The following ATP8B4 variants were observed in gnomAD, a reference collection of about 807,000 sequenced individuals.
The protein encoded by ATP8B4 is probable phospholipid-transporting ATPase IM.
ATP8B4 carries 133 observed loss-of-function variants against 145.6 expected under a neutral mutation model. The ratio of observed to expected loss-of-function variants is 0.91; its 90% confidence interval spans 0.79 to 1.05. ATP8B4 has a LOEUF of 1.05. ATP8B4 is among the 50% of genes least tolerant of loss of function. The pLI is 0.00. For synonymous variants in ATP8B4, 507 were observed against 492.9 expected (o/e 1.03, Z -0.38); for missense variants, 1,458 against 1,425.2 (o/e 1.02, Z -0.37).
At chr15:50,094,196 C>T (rs932282952) in intron 2 of ATP8B4, among the ~76,000 whole-genome samples, 12 of 152,104 alleles carry the variant, frequency 7.9e-5, no homozygotes, top group African/African-American at 2.7e-4. Flanking sequence ...AGCAGATCAC[C>T]GTCCCTGATG....
intron 3 of ATP8B4, among the ~76,000 whole-genome samples, chr15:50,058,621 C>T (rs1240060868): frequency 1.3e-5 from 2 of 152,144 alleles, no homozygotes; most frequent in Non-Finnish European, 2.9e-5. Flanking sequence ...TCAGGGGTAG[C>T]CATGCAATTT....
chr15:50,109,580 T>C (rs2153670221), intron 1 of ATP8B4, among the ~76,000 whole-genome samples: 1 of 151,948 alleles, frequency 6.6e-6, no homozygotes, highest in Admixed American at 6.6e-5. Context: ...CAACATGTTC[T>C]GTGTTCATTG....
Position 49,915,124 on chromosome 15 carries a change from T to G in ATP8B4, c.2141+1810A>C, listed in dbSNP as rs1026253966. Among the ~76,000 whole-genome samples, 20 of 152,104 alleles carry G rather than the reference T, an allele frequency of 1.3e-4. 1 individual carries two copies. The highest frequency in any genetic ancestry group is 7.9e-4 in the Admixed American group (12 of 15,268). ...GTATACACATACAATGGAATACTATTCAACCATCAAAAAAGAATGAAATCC... is the reference window on the plus strand; with the variant it reads ...GTATACACATACAATGGAATACTATGCAACCATCAAAAAAGAATGAAATCC... On this transcript the variant is annotated intron_variant, in intron 20 of 27. Coordinates refer to ENST00000284509, the MANE Select transcript of ATP8B4 (RefSeq NM_024837.4).
chr15:49,907,594 C>A (rs1262234728), intron 20 of ATP8B4, among the ~76,000 whole-genome samples: 1 of 152,298 alleles, frequency 6.6e-6, no homozygotes. Flanking sequence ...AAGAAAGATG[C>A]GCATGGAACA....
At chr15:49,981,176 C>A in intron 11 of ATP8B4, 30 bp downstream of exon 11, 2 of 1,450,112 alleles carry the variant, frequency 1.4e-6, no homozygotes, top group Non-Finnish European at 1.9e-6. Flanking sequence ...ATAACAATGA[C>A]TAGTGATATT....
intron 10 of ATP8B4, among the ~76,000 whole-genome samples, chr15:49,983,064 A>G (rs530095386): frequency 1.3e-5 from 2 of 152,108 alleles, no homozygotes; most frequent in Non-Finnish European, 2.9e-5. Context: ...GAGAATCCTT[A>G]AGACTCAGGC....
chr15:49,926,595 T>C (rs2040747280), intron 16 of ATP8B4, among the ~76,000 whole-genome samples: 3 of 152,154 alleles, frequency 2.0e-5, no homozygotes, highest in Admixed American at 2.0e-4. Context: ...ACAGCTGCAC[T>C]ATCCAGTCTG....
rs28669682 is a variant in ATP8B4 at position 49,965,609 on chromosome 15, G to C, written c.1244-3589C>G. Among the ~76,000 whole-genome samples, 424 of 152,310 alleles carry C rather than the reference G, an allele frequency of 2.8e-3. 4 individuals are homozygous for C. The highest frequency in any genetic ancestry group is 0.01 in the African/African-American group (418 of 41,558). Reference sequence around the variant, plus strand: ...ATAAAAGCACGCAAACAAGAAGTGGGTATTAATGAAACAGCTTATCTGGCC... The same window carrying C: ...ATAAAAGCACGCAAACAAGAAGTGGCTATTAATGAAACAGCTTATCTGGCC... On this transcript the variant is annotated intron_variant, in intron 13 of 27. Coordinates refer to ENST00000284509, the MANE Select transcript of ATP8B4 (RefSeq NM_024837.4).
chr15:50,043,959 C>CA (rs71424043), intron 5 of ATP8B4, among the ~76,000 whole-genome samples: 10,112 of 74,648 alleles, frequency 0.14, 444 homozygotes, highest in Middle Eastern at 0.18. Context: ...GACTCCGTTT[C>CA]AAAAAAAAAA....
intron 16 of ATP8B4, among the ~76,000 whole-genome samples, chr15:49,925,331 G>A (rs550497111): frequency 1.3e-5 from 2 of 152,172 alleles, no homozygotes; most frequent in African/African-American, 4.8e-5. Flanking sequence ...ATAAAAGAGG[G>A]TTGGATTCCC....
At chr15:49,917,256 A>G (rs1433235966) in intron 19 of ATP8B4, 1 of 499,244 alleles carries the variant, frequency 2.0e-6, no homozygotes, top group African/African-American at 1.9e-5. Context: ...CCCATGCACA[A>G]GTAGCAACAC....
chr15:50,159,139 T>G (rs2044477617), intron 1 of ATP8B4, among the ~76,000 whole-genome samples: 1 of 152,262 alleles, frequency 6.6e-6, no homozygotes, highest in African/African-American at 2.4e-5. Context: ...TCCATGAACA[T>G]GAAATATCTT....
At chr15:50,031,244 A>G (rs1379940487) in intron 6 of ATP8B4, among the ~76,000 whole-genome samples, 1 of 152,176 alleles carries the variant, frequency 6.6e-6, no homozygotes, top group East Asian at 1.9e-4. Context: ...TAAAAAAAGA[A>G]TCAAGTTTTT....
intron 14 of ATP8B4, among the ~76,000 whole-genome samples, chr15:49,961,102 C>A (rs2044033466): frequency 1.3e-5 from 2 of 149,584 alleles, no homozygotes; most frequent in South Asian, 2.1e-4. Flanking sequence ...CACTGCGCTC[C>A]AGCCTGGGCG....
chr15:49,860,233 G>A lies in ATP8B4; in HGVS notation c.3540C>T (p.Thr1180=), dbSNP rs142681978. Residue 1180 remains threonine (T), a synonymous_variant, in exon 28 of 28, where the codon ACC becomes ACT. Transcript: ENST00000284509. ...IENLCKKTTD[T]VSSFSQDKTV... is the part of the protein sequence containing the mutation. ...TTTTATCCTGGCTAAAGCTGCTCAC[G>A]GTGTCTGTGGTTTTCTTACATAAAT... is the stretch of plus-strand genomic sequence containing the variant. The A allele has an allele frequency of 1.2e-6, 2 of 1,614,020 alleles. No individual in the cohort carries two copies. The highest frequency in any genetic ancestry group is 8.5e-7 in the Non-Finnish European group (1 of 1,179,944).
intron 2 of ATP8B4, among the ~76,000 whole-genome samples, chr15:50,090,804 T>C (rs2055562585): frequency 6.6e-6 from 1 of 152,166 alleles, no homozygotes; most frequent in African/African-American, 2.4e-5. Context: ...CCAGGGCTGG[T>C]CTCAAACTCT....
At chr15:50,164,898 A>G (rs1453458089) in intron 1 of ATP8B4, among the ~76,000 whole-genome samples, 2 of 152,160 alleles carry the variant, frequency 1.3e-5, no homozygotes, top group Admixed American at 6.5e-5. Context: ...GTTCCAATGC[A>G]AAGTCCTACA....
At chr15:49,902,278 T>C (rs919830079) in intron 20 of ATP8B4, 2 of 152,176 alleles carry the variant, frequency 1.3e-5, no homozygotes, top group Non-Finnish European at 2.9e-5. Context: ...TTTGGCGAAA[T>C]GAAATTACTC....
intron 14 of ATP8B4, among the ~76,000 whole-genome samples, chr15:49,960,812 C>T (rs1469679122): frequency 6.6e-6 from 1 of 152,094 alleles, no homozygotes; most frequent in Non-Finnish European, 1.5e-5. Context: ...TAATAGACAA[C>T]CCAATAGAAG....
Sources: gnomAD v4.1 joint callset for allele counts (sites outside exome capture counted in the v4.1 genomes callset) on GRCh38, gnomAD v4.1.1 for gene constraint, MANE v1.5 for transcripts, NCBI Gene and HGNC (gene_info 2026-07-23, HGNC 2026-07-21) for gene names.